The following KRT72 variants were observed in gnomAD, a reference collection of about 807,000 sequenced individuals.
The protein encoded by KRT72 is keratin, type II cytoskeletal 72.
A neutral mutation model predicts 44.7 loss-of-function variants in KRT72; 44 were observed. The ratio of observed to expected loss-of-function variants is 0.98; its 90% CI spans 0.77 to 1.27. The LOEUF (loss-of-function observed/expected upper bound fraction) is 1.27, where lower values mean the gene tolerates loss of function less well. KRT72 is among the 50% of genes most tolerant of loss of function. The pLI is 0.00. For synonymous variants in KRT72, 302 were observed against 280.4 expected (o/e 1.08, Z -0.77); for missense variants, 736 against 667.1 (o/e 1.10, Z -1.14).
In KRT72 at chr12:52,586,110, A is replaced by C. The variant is rs1565613051; in HGVS notation, c.1408T>G (p.Ser470Ala). 3 of 1,614,146 alleles carry C rather than the reference A, an allele frequency of 1.9e-6. No individual in the cohort carries two copies. Among genetic ancestry groups the C allele is most frequent in the Non-Finnish European group, 2.5e-6 (3 of 1,180,022 alleles). The change falls in exon 9 of 9, where the codon TCA becomes GCA. Residue 470 changes from serine to alanine, a missense_variant. Coordinates refer to ENST00000293745, the MANE Select transcript of KRT72 (RefSeq NM_080747.3). ...GCAGTTTTGTAGCTATAACTGCTTG[A>C]GGCGCCAAAGCCCATGCTGAAGCCA... is the stretch of plus-strand genomic sequence containing the variant. Reference protein sequence around the residue: ...GAGFSMGFGASSSYSYKTAAA... With the variant: ...GAGFSMGFGAASSYSYKTAAA...
At chr12:52,587,873 C>G in intron 6 of KRT72, 22 bp from the exon 7 acceptor site, 1 of 1,607,812 alleles carries the variant, frequency 6.2e-7, no homozygotes, top group Non-Finnish European at 8.5e-7. Context: ...ACAGATCCAG[C>G]ACTTAAGAGT....
intron 1 of KRT72, chr12:52,599,393 A>G (rs973331497): frequency 2.1e-5 from 11 of 525,392 alleles, no homozygotes; most frequent in African/African-American, 2.1e-4. Flanking sequence ...TTCTCATGCT[A>G]TAAATGCTGG....
Position 52,601,133 on chromosome 12 carries a change from A to G in KRT72, c.320T>C (p.Leu107Pro), listed in dbSNP as rs1484730211. 1.2e-6 allele frequency: 2 copies of G among 1,613,694 alleles called. No homozygotes were observed. Among genetic ancestry groups the G allele is most frequent in the Admixed American group, 3.3e-5 (2 of 59,958 alleles). ...IPQVTVNKSL[L>P]APLNVEMDPE... is the part of the protein sequence containing the mutation. Reference sequence around the variant, plus strand: ...GTCCATCTCCACGTTGAGCGGGGCCAGGAGGCTCTTGTTGACGGTGACCTG... The same window carrying G: ...GTCCATCTCCACGTTGAGCGGGGCCGGGAGGCTCTTGTTGACGGTGACCTG... The change falls in exon 1 of 9, where the codon CTG (leucine) becomes CCG (proline). Residue 107 changes from leucine (L) to proline (P), a missense_variant. By Grantham distance (98) the Leu-to-Pro change is moderately conservative. Transcript: ENST00000293745.
intron 1 of KRT72, 86 bp downstream of exon 1, chr12:52,600,941 G>A (rs1592235956): frequency 3.5e-6 from 5 of 1,447,212 alleles, no homozygotes; most frequent in Admixed American, 4.3e-5. Flanking sequence ...ACCCGCCCAC[G>A]CTCCCACACA....
intron 1 of KRT72, among the ~76,000 whole-genome samples, chr12:52,600,070 C>T (rs1940364395): frequency 6.6e-6 from 1 of 152,158 alleles, no homozygotes; most frequent in African/African-American, 2.4e-5. Flanking sequence ...GGGGTCATTG[C>T]CTCAGAAGCT....
intron 1 of KRT72, among the ~76,000 whole-genome samples, chr12:52,599,770 C>T (rs1000149131): frequency 6.6e-6 from 1 of 152,116 alleles, no homozygotes; most frequent in African/African-American, 2.4e-5. Flanking sequence ...CAGACCTGTG[C>T]CCTCCCGCCA....
Position 52,586,110 on chromosome 12 carries a change from AG to A in KRT72, c.1407del (p.Ser470GlnfsTer172), listed in dbSNP as rs1565613059. ...GGAGFSMGFG[A>X]SSSYSYKTAA... is the part of the protein sequence containing the mutation. The stretch of plus-strand genomic sequence containing the variant: ...GCAGTTTTGTAGCTATAACTGCTTG[AG>A]GCGCCAAAGCCCATGCTGAAGCCAG... On this transcript the variant is annotated frameshift_variant, in exon 9 of 9. Coordinates refer to ENST00000293745, the MANE Select transcript of KRT72 (RefSeq NM_080747.3). LOFTEE classifies it high-confidence loss of function. The A allele has an allele frequency of 6.2e-7, 1 of 1,614,146 alleles. No homozygotes were observed. The highest frequency in any genetic ancestry group is 8.5e-7 in the Non-Finnish European group (1 of 1,180,022).
At chr12:52,587,537 G>T in intron 7 of KRT72, 94 bp downstream of exon 7, 1 of 1,328,606 alleles carries the variant, frequency 7.5e-7, no homozygotes, top group Non-Finnish European at 1.1e-6. Context: ...TTTTACTTCA[G>T]TAGGACCTAA....
At chr12:52,600,964 C>T (rs1173673355) in intron 1 of KRT72, 63 bp downstream of exon 1, 1 of 1,553,390 alleles carries the variant, frequency 6.4e-7, no homozygotes, top group Non-Finnish European at 8.7e-7. Flanking sequence ...TCGCCAGTGG[C>T]AGAGCCAGCA....
chr12:52,589,735 G>A (rs1442399185), intron 6 of KRT72, among the ~76,000 whole-genome samples: 6 of 152,142 alleles, frequency 3.9e-5, no homozygotes, highest in South Asian at 2.1e-4. Flanking sequence ...TCAGCATTGC[G>A]AGGGATCCCC....
In KRT72 at chr12:52,590,974, G is replaced by T; in HGVS notation, c.964-13C>A. 1 of 1,577,476 alleles carries T rather than the reference G, an allele frequency of 6.3e-7. No homozygotes were observed. The highest frequency in any genetic ancestry group is 1.2e-5 in the South Asian group (1 of 85,766). ...GCAGCTCCTGGATCTGAGGTTGGGT[G>T]ACAAGAGAAGAGGAACACAAGGATC... On this transcript the variant is annotated splice_polypyrimidine_tract_variant and intron_variant, in intron 5 of 8. Coordinates refer to ENST00000293745, the MANE Select transcript of KRT72 (RefSeq NM_080747.3).
chr12:52,591,554 G>T lies in KRT72; in HGVS notation c.873C>A (p.Asp291Glu), dbSNP rs758019493. The T allele has an allele frequency of 8.7e-6, 14 of 1,613,944 alleles. No homozygotes were observed. In the Admixed American group the frequency reaches 2.3e-4, roughly 27 times the overall value. Reference sequence around the variant, plus strand: ...GGACCTCGGCAATGATGCTGTCCAGGTCCAGATCCCGGTTGTTGTCCATTG... The same window carrying T: ...GGACCTCGGCAATGATGCTGTCCAGTTCCAGATCCCGGTTGTTGTCCATTG... ...VLSMDNNRDL[D>E]LDSIIAEVRA... The change falls in exon 5 of 9, where the codon GAC (aspartate) becomes GAA (glutamate). Residue 291 changes from aspartate (D) to glutamate (E), a missense_variant. Coordinates refer to ENST00000293745, the MANE Select transcript of KRT72 (RefSeq NM_080747.3).
At chr12:52,588,753 T>C (rs1330039623) in intron 6 of KRT72, among the ~76,000 whole-genome samples, 1 of 152,054 alleles carries the variant, frequency 6.6e-6, no homozygotes, top group East Asian at 1.9e-4. Flanking sequence ...TCCCAGCACT[T>C]TGGGAGGCCA....
At chr12:52,586,194 C>G in intron 8 of KRT72, 22 bp from the exon 9 acceptor site, 1 of 1,603,414 alleles carries the variant, frequency 6.2e-7, no homozygotes. Context: ...GAGAGAAGAC[C>G]TCAGCCCCCG....
At chr12:52,590,729 G>C in intron 6 of KRT72, 107 bp downstream of exon 6, 1 of 1,056,110 alleles carries the variant, frequency 9.5e-7, no homozygotes, top group East Asian at 2.5e-5. Context: ...TGGTAAATTA[G>C]AGGAGGCCCT....
At position 52,601,184 on chromosome 12, in the gene KRT72, G is replaced by T. The variant is rs1308984147; in HGVS notation, c.269C>A (p.Ser90Tyr). The T allele has an allele frequency of 6.2e-7, 1 of 1,613,086 alleles. No individual in the cohort carries two copies. Among genetic ancestry groups the T allele is most frequent in the Non-Finnish European group, 8.5e-7 (1 of 1,179,480 alleles). ...AGGGATGCCCCCGGGTGGGCACACG[G>T]AGGGACACTTGGGCCCCAGCCCGGC... ...GSAGLGPKCPSVCPPGGIPQV... is the reference protein window; with the variant it reads ...GSAGLGPKCPYVCPPGGIPQV... Residue 90 changes from serine (S) to tyrosine (Y), a missense_variant, in exon 1 of 9, where the codon TCC becomes TAC. Ser to Tyr is a moderately radical substitution (Grantham distance 144). Coordinates refer to ENST00000293745, the MANE Select transcript of KRT72 (RefSeq NM_080747.3).
intron 7 of KRT72, among the ~76,000 whole-genome samples, chr12:52,587,264 C>T (rs946634514): frequency 3.9e-5 from 6 of 152,110 alleles, no homozygotes; most frequent in South Asian, 4.2e-4. Flanking sequence ...TGTTCTTAGA[C>T]GATTAAGAAG....
At chr12:52,587,089 C>G in intron 7 of KRT72, 109 bp from the exon 8 acceptor site, 1 of 946,322 alleles carries the variant, frequency 1.1e-6, no homozygotes, top group Non-Finnish European at 1.7e-6. Flanking sequence ...CCTTCCCAAA[C>G]CCATCCTAGC....
intron 1 of KRT72, 103 bp downstream of exon 1, chr12:52,600,924 G>C: frequency 1.6e-6 from 2 of 1,270,154 alleles, no homozygotes; most frequent in Non-Finnish European, 2.2e-6. Context: ...GGCTCGGAGA[G>C]GTTATGACCC....
Sources: allele counts gnomAD v4.1 joint callset (sites outside exome capture counted in the v4.1 genomes callset), GRCh38; gene constraint gnomAD v4.1.1; transcripts MANE v1.5; gene names NCBI Gene and HGNC (gene_info 2026-07-23, HGNC 2026-07-21).